Variants in TRPC5 observed in about 807,000 individuals in gnomAD.
TRPC5 encodes the protein short transient receptor potential channel 5.
In TRPC5, 9 loss-of-function variants were observed where a neutral mutation model predicts 56.5. The observed-to-expected ratio is 0.16, with a 90% CI of 0.10 to 0.28. The LOEUF is 0.28. Ranked by LOEUF, TRPC5 falls within the 10% of genes least tolerant of loss-of-function variation. The pLI is 1.00. For missense variants in TRPC5, 469 were observed against 748.9 expected, an observed-to-expected ratio of 0.63 and a Z score of 4.36; for synonymous variants, 282 against 278.5, an observed-to-expected ratio of 1.01 and a Z score of -0.13.
chrX:111,917,656 C>G (rs193179573), intron 2 of TRPC5, among the ~76,000 whole-genome samples: 1 of 112,205 alleles, frequency 8.9e-6, no homozygotes, highest in African/African-American at 3.2e-5. Flanking sequence ...GATGTGAGAG[C>G]CTTCAGCCAG....
At position 112,074,737 on chromosome X, in the gene TRPC5, T is replaced by C. The variant is rs770133683; in HGVS notation, c.-22+7142A>G. Reference sequence around the variant, plus strand: ...CACTTCTGACCATGTCGAAAGTTCCTAGAGGGAAAAGGAAGGGCATGCCTG... The same window carrying C: ...CACTTCTGACCATGTCGAAAGTTCCCAGAGGGAAAAGGAAGGGCATGCCTG... On this transcript the variant is annotated intron_variant, in intron 1 of 10. Transcript: ENST00000262839. 5.4e-5 allele frequency among the ~76,000 whole-genome samples: 6 copies of C among 112,092 alleles called. No homozygotes were observed. In the East Asian group the frequency reaches 1.1e-3, roughly 21 times the overall value.
chrX:111,903,484 G>T (rs924568973), intron 3 of TRPC5: 1 of 112,064 alleles, frequency 8.9e-6, no homozygotes, highest in Non-Finnish European at 1.9e-5. Context: ...ACCCTAAGAT[G>T]TTGCTATAAA....
chrX:111,904,139 T>A (rs1925498036), intron 3 of TRPC5: 1 of 112,054 alleles, frequency 8.9e-6, no homozygotes, highest in Non-Finnish European at 1.9e-5. Flanking sequence ...TGTCAGATGA[T>A]CTTAAGCAAA....
chrX:111,927,814 C>CT lies in TRPC5; in HGVS notation c.379-15003dup, dbSNP rs35342500. Reference sequence around the variant, plus strand: ...AATGACTACTATTAATGATGGGAAACTTTTTTTTTTTTTTTTAACTATTAT... The same window carrying CT: ...AATGACTACTATTAATGATGGGAAACTTTTTTTTTTTTTTTTTAACTATTAT... On this transcript the variant is annotated intron_variant, in intron 2 of 10. Transcript: ENST00000262839. Among the ~76,000 whole-genome samples the CT allele has an allele frequency of 6.8e-3, 669 of 98,014 alleles. 4 individuals are homozygous for CT. The highest frequency in any genetic ancestry group is 0.021 in the African/African-American group (558 of 26,951). 85.1% of individuals were successfully genotyped at this position (98,014 alleles called of 115,157 possible). A position where few individuals can be genotyped will look rare whatever the true frequency, so the allele number is the denominator to read the frequency against.
At chrX:111,983,777 T>C (rs773135620) in intron 1 of TRPC5, among the ~76,000 whole-genome samples, 35 of 111,071 alleles carry the variant, frequency 3.2e-4, no homozygotes, top group African/African-American at 1.1e-3. Flanking sequence ...GGGTGGTGCC[T>C]GTATATTGTG....
chrX:112,017,651 G>C (rs1409131113), intron 1 of TRPC5, among the ~76,000 whole-genome samples: 3 of 111,035 alleles, frequency 2.7e-5, no homozygotes, highest in African/African-American at 9.8e-5. Context: ...GGACCTTGGG[G>C]CGCTGGGCCT....
In TRPC5 at chrX:111,821,808, C is replaced by A. The variant is rs748224701; in HGVS notation, c.1896+13113G>T. On this transcript the variant is annotated intron_variant, in intron 7 of 10. Transcript: ENST00000262839. ...GGGCCATGGACATTTGACTTGTCTA[C>A]AAATGTTTGTATCCTATGGAGAGAA... Among the ~76,000 whole-genome samples, 4 of 112,084 alleles carry A rather than the reference C, an allele frequency of 3.6e-5. No homozygotes were observed. In the East Asian group the frequency reaches 1.1e-3, roughly 31 times the overall value.
At chrX:111,812,856 T>C (rs1047653782) in intron 7 of TRPC5, among the ~76,000 whole-genome samples, 1 of 112,537 alleles carries the variant, frequency 8.9e-6, no homozygotes, top group Non-Finnish European at 1.9e-5. Context: ...AATCACTTGG[T>C]ATATAGAAAT....
intron 2 of TRPC5, among the ~76,000 whole-genome samples, chrX:111,929,504 G>A (rs1926350028): frequency 8.9e-6 from 1 of 112,331 alleles, no homozygotes; most frequent in Non-Finnish European, 1.9e-5. Context: ...CCATGATCAA[G>A]TGGACCACAG....
At chrX:111,892,146 T>C (rs1394127775) in intron 3 of TRPC5, among the ~76,000 whole-genome samples, 1 of 112,149 alleles carries the variant, frequency 8.9e-6, no homozygotes, top group African/African-American at 3.2e-5. Context: ...AACTGGTGCT[T>C]AGTCTTTCTC....
intron 1 of TRPC5, among the ~76,000 whole-genome samples, chrX:112,017,051 G>C (rs1356616713): frequency 9.0e-6 from 1 of 111,592 alleles, no homozygotes; most frequent in Admixed American, 9.5e-5. Flanking sequence ...GTCTTGCCCT[G>C]TCTCCAGGCT....
intron 1 of TRPC5, among the ~76,000 whole-genome samples, chrX:112,062,908 T>C (rs924270406): frequency 9.0e-6 from 1 of 111,293 alleles, no homozygotes; most frequent in Non-Finnish European, 1.9e-5. Context: ...AGCTTGCGGA[T>C]AAGGGCAGTA....
At chrX:112,011,950 C>A (rs1929004334) in intron 1 of TRPC5, among the ~76,000 whole-genome samples, 1 of 111,685 alleles carries the variant, frequency 9.0e-6, no homozygotes, top group Non-Finnish European at 1.9e-5. Context: ...AAGAGGTTAA[C>A]AACAGTAATC....
At chrX:111,846,948 G>T (rs1176828533) in intron 6 of TRPC5, among the ~76,000 whole-genome samples, 166 bp downstream of exon 6, 1 of 111,380 alleles carries the variant, frequency 9.0e-6, no homozygotes, top group South Asian at 3.8e-4. Context: ...AGCAAGAGAA[G>T]AACATTCCTC....
rs141509129 is a variant in TRPC5, at chrX:111,828,138, C to T, written c.1896+6783G>A. Among the ~76,000 whole-genome samples, 99 of 112,183 alleles carry T rather than the reference C, an allele frequency of 8.8e-4. 2 individuals carry two copies. Among genetic ancestry groups the T allele is most frequent in the African/African-American group, 3.0e-3 (93 of 30,890 alleles). ...TCCTGCACACTGCCTGAATTTCTTA[C>T]TACTTGTCTCGCTCCATCTTCAAGC... On this transcript the variant is annotated intron_variant, in intron 7 of 10. Coordinates refer to ENST00000262839, the MANE Select transcript of TRPC5 (RefSeq NM_012471.3).
At chrX:112,024,625 T>A (rs1302819471) in intron 1 of TRPC5, among the ~76,000 whole-genome samples, 2 of 111,526 alleles carry the variant, frequency 1.8e-5, no homozygotes, top group Admixed American at 9.6e-5. Context: ...TGCAAGTCAA[T>A]TTTTTAATAA....
At chrX:111,906,075 C>A (rs184417896) in intron 3 of TRPC5, among the ~76,000 whole-genome samples, 247 of 111,027 alleles carry the variant, frequency 2.2e-3, no homozygotes, top group African/African-American at 7.6e-3. Context: ...CATTAACAGG[C>A]CGGGCGCGGT....
At chrX:111,979,000 C>A (rs1483196148) in intron 1 of TRPC5, among the ~76,000 whole-genome samples, 2 of 111,331 alleles carry the variant, frequency 1.8e-5, no homozygotes, top group African/African-American at 3.3e-5. Context: ...ACTCTTGCAA[C>A]TTTTATTTAG....
At chrX:111,940,213 T>C (rs1926731306) in intron 2 of TRPC5, among the ~76,000 whole-genome samples, 1 of 108,056 alleles carries the variant, frequency 9.3e-6, no homozygotes, top group Non-Finnish European at 1.9e-5. Context: ...TGTGTTTGTT[T>C]AGTTTCCAGA....
Sources: gnomAD v4.1 joint callset for allele counts (sites outside exome capture counted in the v4.1 genomes callset) on GRCh38, gnomAD v4.1.1 for gene constraint, MANE v1.5 for transcripts, NCBI Gene and HGNC (gene_info 2026-07-23, HGNC 2026-07-21) for gene names.